The following TANC2 variants were observed in gnomAD, a reference collection of about 807,000 sequenced individuals.
The protein encoded by TANC2 is tetratricopeptide repeat, ankyrin repeat and coiled-coil containing 2.
Under a neutral mutation model 210.5 loss-of-function variants are expected in TANC2, and 26 were observed. The observed-to-expected ratio is 0.12, with a 90% confidence interval of 0.09 to 0.17. The LOEUF (loss-of-function observed/expected upper bound fraction) is 0.17, where lower values mean the gene tolerates loss of function less well. TANC2 is among the 10% of genes least tolerant of loss of function. The pLI is 1.00. For synonymous variants in TANC2, 931 were observed against 967.1 expected (o/e 0.96, Z 0.69); for missense variants, 2,129 against 2,608.9 (o/e 0.82, Z 4.01).
intron 3 of TANC2, among the ~76,000 whole-genome samples, chr17:63,093,711 A>G (rs927566350): frequency 2.6e-5 from 4 of 152,294 alleles, no homozygotes; most frequent in African/African-American, 7.2e-5. Flanking sequence ...TTTGGAGACA[A>G]TTGACATAGT....
intron 2 of TANC2, among the ~76,000 whole-genome samples, chr17:63,043,740 G>A (rs534571103): frequency 2.1e-4 from 32 of 152,108 alleles, no homozygotes; most frequent in Non-Finnish European, 3.1e-4. Flanking sequence ...TTTAACTGAT[G>A]TTTTGTTTTC....
At chr17:63,347,503 T>C (rs1484661150) in intron 12 of TANC2, among the ~76,000 whole-genome samples, 3 of 152,268 alleles carry the variant, frequency 2.0e-5, no homozygotes, top group Non-Finnish European at 4.4e-5. Flanking sequence ...CAATAATTTT[T>C]AATATAGAAT....
intron 2 of TANC2, among the ~76,000 whole-genome samples, chr17:63,036,507 C>T (rs2034977876): frequency 6.6e-6 from 1 of 152,174 alleles, no homozygotes. Flanking sequence ...GTCTTGATTA[C>T]TGTAGCTTTA....
At chr17:63,290,310 C>A (rs72845243) in intron 9 of TANC2, among the ~76,000 whole-genome samples, 22,755 of 152,088 alleles carry the variant, frequency 0.15, 2,021 homozygotes, top group Middle Eastern at 0.21. Context: ...TTGTCAGTAG[C>A]AAGTCAGGTT....
At chr17:62,982,611 T>C (rs906580184) in intron 1 of TANC2, among the ~76,000 whole-genome samples, 1 of 152,224 alleles carries the variant, frequency 6.6e-6, no homozygotes, top group Non-Finnish European at 1.5e-5. Context: ...CCACTTGCTG[T>C]CTTTCAGTCT....
In TANC2 at chr17:63,413,643, A is replaced by T; in HGVS notation, c.4020+9A>T. On this transcript the variant is annotated intron_variant, in intron 25 of 27. Transcript: ENST00000689528. ...GGGACATGTTTTATAAGGTGAGGGG[A>T]GGGAGGGACACAGTTTCTTCAGAAC... 3 of 1,582,224 alleles carry T rather than the reference A, an allele frequency of 1.9e-6. No individual in the cohort carries two copies. The highest frequency in any genetic ancestry group is 2.6e-6 in the Non-Finnish European group (3 of 1,162,848).
At chr17:63,368,704 G>A (rs1421296075) in intron 14 of TANC2, among the ~76,000 whole-genome samples, 1 of 152,152 alleles carries the variant, frequency 6.6e-6, no homozygotes, top group Non-Finnish European at 1.5e-5. Flanking sequence ...ACTTTGCATA[G>A]AATGATTGGT....
intron 2 of TANC2, among the ~76,000 whole-genome samples, chr17:63,053,701 T>C (rs1414957860): frequency 6.6e-6 from 1 of 152,260 alleles, no homozygotes; most frequent in Non-Finnish European, 1.5e-5. Flanking sequence ...TGAAACTTAG[T>C]ATTTCCAAAA....
intron 2 of TANC2, among the ~76,000 whole-genome samples, chr17:63,013,438 A>G (rs1212829874): frequency 6.6e-6 from 1 of 151,934 alleles, no homozygotes; most frequent in African/African-American, 2.4e-5. Context: ...GCCTAAGAGT[A>G]TTTTTTTAAT....
chr17:63,255,756 T>C (rs1470413399), intron 8 of TANC2, among the ~76,000 whole-genome samples: 1 of 152,076 alleles, frequency 6.6e-6, no homozygotes, highest in Non-Finnish European at 1.5e-5. Context: ...AAAAAAACTT[T>C]TCATTTCATT....
At chr17:62,984,218 C>G (rs9898783) in intron 1 of TANC2, among the ~76,000 whole-genome samples, 81,423 of 151,786 alleles carry the variant, frequency 0.54, 23,386 homozygotes, top group African/African-American at 0.73. Flanking sequence ...GCTTGTATGT[C>G]TCCAGGAATT....
At chr17:63,301,082 A>G (rs1254446272) in intron 9 of TANC2, among the ~76,000 whole-genome samples, 3 of 152,178 alleles carry the variant, frequency 2.0e-5, no homozygotes, top group African/African-American at 2.4e-5. Flanking sequence ...GATTATGTTT[A>G]TTGATTTGCA....
chr17:62,992,035 A>G (rs1003249327), intron 1 of TANC2, among the ~76,000 whole-genome samples: 1 of 152,236 alleles, frequency 6.6e-6, no homozygotes, highest in African/African-American at 2.4e-5. Flanking sequence ...ATAGATACGT[A>G]TTTACATAGC....
At chr17:63,388,526 G>A in intron 15 of TANC2, 109 bp from the exon 16 acceptor site, 1 of 1,150,724 alleles carries the variant, frequency 8.7e-7, no homozygotes. Context: ...GTTAGGGTGA[G>A]ACTCCGCTCT....
chr17:63,098,551 A>C (rs894288408), intron 3 of TANC2, among the ~76,000 whole-genome samples: 1 of 147,852 alleles, frequency 6.8e-6, no homozygotes, highest in African/African-American at 2.5e-5. Flanking sequence ...ATTTATATAT[A>C]TATAATTTTA....
At chr17:63,007,620 A>G (rs1182027281) in intron 1 of TANC2, among the ~76,000 whole-genome samples, 2 of 152,068 alleles carry the variant, frequency 1.3e-5, no homozygotes, top group African/African-American at 4.8e-5. Context: ...CCTAGAGATT[A>G]CTACATGAGT....
intron 8 of TANC2, among the ~76,000 whole-genome samples, chr17:63,243,476 T>G (rs2042832212): frequency 6.6e-6 from 1 of 152,196 alleles, no homozygotes; most frequent in Non-Finnish European, 1.5e-5. Context: ...CCATCAACAG[T>G]GGAACTGATA....
intron 1 of TANC2, among the ~76,000 whole-genome samples, chr17:62,967,884 C>T (rs1465935138): frequency 6.6e-6 from 1 of 151,802 alleles, no homozygotes; most frequent in Non-Finnish European, 1.5e-5. Context: ...AACATGGATA[C>T]TGTCAGTGGA....
At chr17:63,331,884 G>GTGT (rs1426798428) in intron 11 of TANC2, 8 of 215,990 alleles carry the variant, frequency 3.7e-5, no homozygotes. Context: ...GTGTGTGTGT[G>GTGT]TGTGTGTATT....
Sources: gnomAD v4.1 joint callset for allele counts (sites outside exome capture counted in the v4.1 genomes callset) on GRCh38, gnomAD v4.1.1 for gene constraint, MANE v1.5 for transcripts, NCBI Gene and HGNC (gene_info 2026-07-23, HGNC 2026-07-21) for gene names.